PTPRT: variants seen among roughly 807,000 people sequenced by gnomAD.
PTPRT encodes the protein receptor-type tyrosine-protein phosphatase T.
Under a neutral mutation model 176.8 loss-of-function variants are expected in PTPRT, and 56 were observed. The ratio of observed to expected loss-of-function variants is 0.32; its 90% CI spans 0.26 to 0.40. PTPRT has a LOEUF of 0.40. Ranked by LOEUF, PTPRT falls within the 10% of genes least tolerant of loss-of-function variation. PTPRT has a pLI of 1.00. For synonymous variants in PTPRT, 783 were observed against 739.0 expected (o/e 1.06, Z -0.96); for missense variants, 1,540 against 1,908.2 (o/e 0.81, Z 3.60).
intron 13 of PTPRT, among the ~76,000 whole-genome samples, chr20:42,273,662 T>C (rs918457995): frequency 6.6e-6 from 1 of 152,260 alleles, no homozygotes; most frequent in Admixed American, 6.5e-5. Context: ...ATATCAATAC[T>C]AAGTTGTACT....
intron 7 of PTPRT, among the ~76,000 whole-genome samples, chr20:42,616,253 T>C (rs1207921476): frequency 8.1e-6 from 1 of 123,550 alleles, no homozygotes; most frequent in Non-Finnish European, 1.7e-5. Flanking sequence ...GTTGTAGATA[T>C]GCAGCGTTAT....
chr20:42,873,477 T>C (rs1391966630), intron 2 of PTPRT, among the ~76,000 whole-genome samples: 1 of 152,180 alleles, frequency 6.6e-6, no homozygotes, highest in Non-Finnish European at 1.5e-5. Flanking sequence ...GTCATAAAAA[T>C]CTAATAATCT....
chr20:42,261,713 C>A (rs571050861), intron 13 of PTPRT, among the ~76,000 whole-genome samples: 35 of 152,286 alleles, frequency 2.3e-4, no homozygotes. Flanking sequence ...AACTGCATAG[C>A]AGGGTGCACC....
At chr20:42,047,422 C>G in the PTPRT span, among the ~76,000 whole-genome samples, 1 of 152,168 alleles carries the variant, frequency 6.6e-6, no homozygotes, top group Non-Finnish European at 1.5e-5. Context: ...GCCACCAGAC[C>G]CTCTTCATTC....
chr20:42,268,507 C>T (rs1176280899), intron 13 of PTPRT, among the ~76,000 whole-genome samples: 4 of 152,168 alleles, frequency 2.6e-5, no homozygotes, highest in Admixed American at 1.3e-4. Flanking sequence ...CACTTTTCTC[C>T]CACTGTCCAT....
intron 6 of PTPRT, among the ~76,000 whole-genome samples, chr20:42,718,782 G>T (rs1044525152): frequency 2.6e-5 from 4 of 152,050 alleles, no homozygotes; most frequent in Non-Finnish European, 5.9e-5. Flanking sequence ...TCAGGATGTT[G>T]TTTACATTAT....
At chr20:42,358,611 C>G (rs190268727) in intron 9 of PTPRT, among the ~76,000 whole-genome samples, 2 of 152,128 alleles carry the variant, frequency 1.3e-5, no homozygotes, top group South Asian at 4.1e-4. Context: ...GGAGGCATGA[C>G]AGGAGATGGT....
At chr20:42,793,784 C>T (rs984095977) in intron 2 of PTPRT, among the ~76,000 whole-genome samples, 7 of 152,172 alleles carry the variant, frequency 4.6e-5, no homozygotes, top group African/African-American at 1.7e-4. Context: ...CACTGGCCTA[C>T]ATGCCACAGG....
At chr20:42,443,583 C>A (rs2059337835) in intron 9 of PTPRT, among the ~76,000 whole-genome samples, 1 of 152,214 alleles carries the variant, frequency 6.6e-6, no homozygotes, top group Non-Finnish European at 1.5e-5. Flanking sequence ...CCAGTGGGCT[C>A]TGACGAGGAT....
chr20:42,347,332 A>G (rs1402257046), intron 11 of PTPRT, among the ~76,000 whole-genome samples: 1 of 152,090 alleles, frequency 6.6e-6, no homozygotes, highest in Non-Finnish European at 1.5e-5. Context: ...GAGTGTCCAT[A>G]TTGTTTTCTC....
In PTPRT at chr20:42,187,949, C is replaced by T. The variant is rs576066000; in HGVS notation, c.2491+11291G>A. ...AGGCAATGAGTTTCACCTCTGTGGG[C>T]CGCAGTTTCCCTATTCATGGCAAAG... On this transcript the variant is annotated intron_variant, in intron 16 of 30. Transcript: ENST00000373187. Among the ~76,000 whole-genome samples the T allele has an allele frequency of 2.0e-5, 3 of 152,294 alleles. No homozygotes were observed. The East Asian group carries it at 5.8e-4, about 29-fold the overall frequency.
At chr20:42,905,744 A>G (rs2079467460) in intron 1 of PTPRT, among the ~76,000 whole-genome samples, 1 of 152,214 alleles carries the variant, frequency 6.6e-6, no homozygotes, top group Non-Finnish European at 1.5e-5. Flanking sequence ...GCCATAAAAA[A>G]GGATGAGTTC....
chr20:43,096,505 G>C (rs1358639617), intron 1 of PTPRT, among the ~76,000 whole-genome samples: 1 of 152,206 alleles, frequency 6.6e-6, no homozygotes, highest in African/African-American at 2.4e-5. Context: ...CCATTCAGCA[G>C]CTGGGCCCCT....
At chr20:42,669,258 C>T (rs1425026760) in intron 7 of PTPRT, among the ~76,000 whole-genome samples, 2 of 152,124 alleles carry the variant, frequency 1.3e-5, no homozygotes. Flanking sequence ...GGTTCACCTG[C>T]ACTGCACAAG....
chr20:42,635,404 A>T (rs1191732780), intron 7 of PTPRT, among the ~76,000 whole-genome samples: 2 of 152,190 alleles, frequency 1.3e-5, no homozygotes, highest in Non-Finnish European at 2.9e-5. Context: ...TTGAAGAAAA[A>T]AAAGAATATA....
intron 7 of PTPRT, among the ~76,000 whole-genome samples, chr20:42,537,905 T>C (rs939577207): frequency 6.6e-6 from 1 of 152,202 alleles, no homozygotes; most frequent in African/African-American, 2.4e-5. Flanking sequence ...GCATAAGGTA[T>C]ACCACCAATG....
Position 42,080,703 on chromosome 20 carries a change from C to T in PTPRT, c.*176G>A. ...TTTGGAGCAGCATCTCCCACGGCAA[C>T]AGGAGACCCCTCAGAAGGTGCAGAG... On this transcript the variant is annotated 3_prime_UTR_variant, in exon 31 of 31. Coordinates refer to ENST00000373187, the MANE Select transcript of PTPRT (RefSeq NM_007050.6). The T allele has an allele frequency of 1.9e-6, 1 of 520,916 alleles. No individual in the cohort carries two copies. The highest frequency in any genetic ancestry group is 2.6e-5 in the South Asian group (1 of 38,552). 32.3% of individuals were successfully genotyped at this position (520,916 alleles called of 1,614,324 possible).
intron 27 of PTPRT, among the ~76,000 whole-genome samples, chr20:42,087,672 G>A (rs1017874993): frequency 2.0e-5 from 3 of 150,686 alleles, no homozygotes; most frequent in African/African-American, 4.8e-5. Flanking sequence ...TCAGGAGTTC[G>A]AGACCAGCTT....
At chr20:43,188,762 G>GGGGCC (rs1568834816) in intron 1 of PTPRT, among the ~76,000 whole-genome samples, 19 of 129,132 alleles carry the variant, frequency 1.5e-4, no homozygotes, top group East Asian at 2.6e-4. Flanking sequence ...GGGGGGGGGG[G>GGGGCC]CTCGGGGGTG....
Sources: gnomAD v4.1 joint callset for allele counts (sites outside exome capture counted in the v4.1 genomes callset) on GRCh38, gnomAD v4.1.1 for gene constraint, MANE v1.5 for transcripts, NCBI Gene and HGNC (gene_info 2026-07-23, HGNC 2026-07-21) for gene names.